The following RTEL1 variants were observed in gnomAD, a reference collection of about 807,000 sequenced individuals.
RTEL1 encodes the protein regulator of telomere elongation helicase 1, also known as regulator of telomere length.
In RTEL1, 86 loss-of-function variants were observed where a neutral mutation model predicts 162.2. That is an observed-to-expected ratio of 0.53 (90% confidence interval 0.45 to 0.63). The LOEUF (loss-of-function observed/expected upper bound fraction) is 0.63, where lower values mean the gene tolerates loss of function less well. Among genes scored for constraint, RTEL1 ranks in the 30% least tolerant of loss-of-function variants. The probability of loss-of-function intolerance (pLI) is 0.00; values close to 1 mark genes in which losing one functional copy is unlikely to be tolerated. For missense variants in RTEL1, 1,941 were observed against 1,750.2 expected (o/e 1.11, Z -1.95); for synonymous variants, 958 against 717.9 (o/e 1.33, Z -5.35).
At chr20:63,677,059 CA>C (rs11476531) in intron 10 of RTEL1, among the ~76,000 whole-genome samples, 135,647 of 152,246 alleles carry the variant, frequency 0.89, 60,809 homozygotes, top group African/African-American at 0.97. Flanking sequence ...GAGGTGTTTT[CA>C]TGTGGGCTCT....
At chr20:63,682,944 G>C (rs568546327) in intron 14 of RTEL1, among the ~76,000 whole-genome samples, 2 of 152,266 alleles carry the variant, frequency 1.3e-5, no homozygotes, top group East Asian at 1.9e-4. Flanking sequence ...GAGCTGCCCT[G>C]GGCTGAGGCA....
At chr20:63,680,993 C>T (rs899855952) in intron 14 of RTEL1, 2 of 985,402 alleles carry the variant, frequency 2.0e-6, no homozygotes, top group Non-Finnish European at 2.4e-6. Context: ...GGGAGCCGCT[C>T]CTGCCCTGTC....
intron 14 of RTEL1, among the ~76,000 whole-genome samples, chr20:63,683,367 C>T (rs1480498095): frequency 2.0e-5 from 3 of 152,202 alleles, no homozygotes; most frequent in African/African-American, 7.2e-5. Context: ...CTTCCATCCC[C>T]GTGGGCCAAA....
intron 8 of RTEL1, among the ~76,000 whole-genome samples, chr20:63,669,626 G>T (rs1175639322): frequency 6.6e-6 from 1 of 152,066 alleles, no homozygotes; most frequent in Admixed American, 6.6e-5. Context: ...ACTGGGAAGG[G>T]ATCTGGACAG....
At position 63,695,871 on chromosome 20, in the gene RTEL1, GC is replaced by G; in HGVS notation, c.*18del. ...AGAGCCCCAGTGAGTGCCCACGGAG[GC>G]CCCCAGCACACCCAACGTGGCTTGA... is the stretch of plus-strand genomic sequence containing the variant. On this transcript the variant is annotated 3_prime_UTR_variant, in exon 35 of 35. Transcript: ENST00000360203. 1 of 1,570,914 alleles carries G rather than the reference GC, an allele frequency of 6.4e-7. No homozygotes were observed. Among genetic ancestry groups the G allele is most frequent in the East Asian group, 2.3e-5 (1 of 43,198 alleles).
chr20:63,677,459 G>A (rs1168378580), intron 10 of RTEL1, among the ~76,000 whole-genome samples: 24 of 152,182 alleles, frequency 1.6e-4, no homozygotes, highest in African/African-American at 5.8e-4. Context: ...TACTAAAAAT[G>A]CGAAAATTAG....
In RTEL1 at chr20:63,689,537, C is replaced by G. The variant is rs1267933200; in HGVS notation, c.1914C>G (p.Gly638=). The stretch of plus-strand genomic sequence containing the variant: ...GGCTGGACTTCTCAGACACGAATGG[C>G]CGTGGTGTGATTGTCACGGGCCTCC... ...SEGLDFSDTN[G]RGVIVTGLPY... The change falls in exon 23 of 35, where the codon GGC becomes GGG. Residue 638 remains glycine, a synonymous_variant. Transcript: ENST00000360203. The G allele has an allele frequency of 6.2e-7, 1 of 1,610,052 alleles. No homozygotes were observed. The highest frequency in any genetic ancestry group is 8.5e-7 in the Non-Finnish European group (1 of 1,179,042).
chr20:63,685,738 C>T, intron 15 of RTEL1, 53 bp from the exon 16 acceptor site: 1 of 1,592,996 alleles, frequency 6.3e-7, no homozygotes, highest in Non-Finnish European at 8.6e-7. Flanking sequence ...AGGTAAGGGG[C>T]TGCCCCCAGG....
chr20:63,695,991 A>G lies in RTEL1; in HGVS notation c.*133A>G. The G allele has an allele frequency of 4.5e-6, 4 of 879,238 alleles. No homozygotes were observed. Among genetic ancestry groups the G allele is most frequent in the Non-Finnish European group, 6.9e-6 (4 of 582,038 alleles). The allele number at this position is 879,238 out of a possible 1,614,324, so 54.5% of individuals were successfully genotyped here. ...GCTTGGCCCGCTGCAGGCCTCAGGC[A>G]GGCGGGGCCCATGGTTGGTCCCTGC... is the stretch of plus-strand genomic sequence containing the variant. On this transcript the variant is annotated 3_prime_UTR_variant, in exon 35 of 35. Coordinates refer to ENST00000360203, the MANE Select transcript of RTEL1 (RefSeq NM_001283009.2).
At chr20:63,677,169 A>G (rs2090371739) in intron 10 of RTEL1, among the ~76,000 whole-genome samples, 1 of 152,216 alleles carries the variant, frequency 6.6e-6, no homozygotes, top group South Asian at 2.1e-4. Flanking sequence ...CCAAGTCTCC[A>G]AGAAGCCCTG....
At chr20:63,675,518 A>G (rs1416447921) in intron 10 of RTEL1, among the ~76,000 whole-genome samples, 7 of 150,628 alleles carry the variant, frequency 4.6e-5, no homozygotes, top group African/African-American at 1.5e-4. Flanking sequence ...ATATATATAT[A>G]TACATATATT....
At chr20:63,692,495 T>C (rs2090773298) in intron 28 of RTEL1, 1 of 439,714 alleles carries the variant, frequency 2.3e-6, no homozygotes, top group African/African-American at 2.0e-5. Context: ...GCAGGGGGCT[T>C]GAGGGAGGAG....
intron 10 of RTEL1, among the ~76,000 whole-genome samples, chr20:63,674,613 C>T (rs764371247): frequency 5.9e-5 from 9 of 151,466 alleles, no homozygotes; most frequent in South Asian, 2.1e-4. Context: ...AAGTGGGAGG[C>T]GTGCTTGAGC....
chr20:63,660,322 A>G (rs1197334188), intron 2 of RTEL1, among the ~76,000 whole-genome samples: 2 of 152,212 alleles, frequency 1.3e-5, no homozygotes, highest in African/African-American at 4.8e-5. Flanking sequence ...ATTTCAGACT[A>G]TCACATGGAG....
intron 14 of RTEL1, among the ~76,000 whole-genome samples, chr20:63,684,685 C>G (rs985792819): frequency 2.0e-5 from 3 of 152,062 alleles, no homozygotes; most frequent in Admixed American, 6.6e-5. Flanking sequence ...GTTGGCCAGG[C>G]TGGTCTCGAA....
Position 63,679,961 on chromosome 20 carries a change from G to C in RTEL1, c.1135+15G>C. The C allele has an allele frequency of 6.3e-7, 1 of 1,593,184 alleles. No individual in the cohort carries two copies. The highest frequency in any genetic ancestry group is 1.3e-5 in the African/African-American group (1 of 74,642). On this transcript the variant is annotated intron_variant, in intron 13 of 34. Transcript: ENST00000360203. ...CCTGGCAGGACGTGAGTGCTGGCAC[G>C]GGGTCTTTGGTGCGGGCAAATGTGG...
chr20:63,690,467 C>A, intron 26 of RTEL1, 26 bp downstream of exon 26: 1 of 588,042 alleles, frequency 1.7e-6, no homozygotes, highest in South Asian at 2.1e-5. Context: ...GCTGGGTGGG[C>A]GGTGTGGGGG....
In RTEL1 at chr20:63,662,601, A is replaced by G. The variant is rs1233816043; in HGVS notation, c.451A>G (p.Lys151Glu). 1.2e-6 allele frequency: 2 copies of G among 1,613,858 alleles called. No individual in the cohort carries two copies. The highest frequency in any genetic ancestry group is 1.7e-6 in the Non-Finnish European group (2 of 1,179,990). ...GCAGCTGTGCATCCATCCTGAGGTGAAGAAACAAGAGAGTAACCATCTACA... is the reference window on the plus strand; with the variant it reads ...GCAGCTGTGCATCCATCCTGAGGTGGAGAAACAAGAGAGTAACCATCTACA... Reference protein sequence around the residue: ...REQLCIHPEVKKQESNHLQIH... With the variant: ...REQLCIHPEVEKQESNHLQIH... Residue 151 changes from lysine to glutamate, a missense_variant, in exon 5 of 35, where the codon AAG becomes GAG. By Grantham distance (56) the Lys-to-Glu change is moderately conservative (BLOSUM62 1). Coordinates refer to ENST00000360203, the MANE Select transcript of RTEL1 (RefSeq NM_001283009.2).
chr20:63,678,619 C>CACTCCCACGAACAGCACACAG, intron 12 of RTEL1, among the ~76,000 whole-genome samples: 1 of 144,624 alleles, frequency 6.9e-6, no homozygotes, highest in African/African-American at 2.6e-5. Flanking sequence ...ACAGCACACA[C>CACTCCCACGAACAGCACACAG]ACTCCCACGA....
Sources: gnomAD v4.1 joint callset for allele counts (sites outside exome capture counted in the v4.1 genomes callset) on GRCh38, gnomAD v4.1.1 for gene constraint, MANE v1.5 for transcripts, NCBI Gene and HGNC (gene_info 2026-07-23, HGNC 2026-07-21) for gene names.